PPM1A: variants seen among roughly 807,000 people sequenced by gnomAD.
PPM1A encodes the protein protein phosphatase, Mg2+/Mn2+ dependent 1A, also known as protein phosphatase 1A.
A neutral mutation model predicts 35.0 loss-of-function variants in PPM1A; 7 were observed. The observed-to-expected ratio is 0.20, with a 90% CI of 0.11 to 0.38. The LOEUF is 0.38. Ranked by LOEUF, PPM1A falls within the 10% of genes least tolerant of loss-of-function variation. PPM1A has a pLI of 1.00. For missense variants in PPM1A, 239 were observed against 467.8 expected, an observed-to-expected ratio of 0.51 and a Z score of 4.51; for synonymous variants, 153 against 167.3, an observed-to-expected ratio of 0.91 and a Z score of 0.66.
intron 3 of PPM1A, chr14:60,287,121 G>A (rs1383352376): frequency 2.1e-6 from 2 of 942,558 alleles, no homozygotes; most frequent in African/African-American, 3.6e-5. Flanking sequence ...GAAGTAATAA[G>A]TATTTTAATA....
chr14:60,268,505 TTTTATTTTTTTCACATA>T, intron 1 of PPM1A: 1 of 609,974 alleles, frequency 1.6e-6, no homozygotes, highest in Non-Finnish European at 2.1e-6. Flanking sequence ...GGCTTACCTA[TTTTATTTTTTTCACATA>T]TAACATGTAC....
intron 1 of PPM1A, among the ~76,000 whole-genome samples, chr14:60,280,308 T>C (rs1001248219): frequency 6.6e-6 from 1 of 151,962 alleles, no homozygotes; most frequent in Non-Finnish European, 1.5e-5. Context: ...CTGGCTGCCT[T>C]CTTATATGCT....
chr14:60,286,778 TTTG>T, intron 3 of PPM1A: 5 of 981,244 alleles, frequency 5.1e-6, no homozygotes, highest in Non-Finnish European at 6.0e-6. Flanking sequence ...GAGCTACTAT[TTTG>T]TTTTTATTGC....
At position 60,289,798 on chromosome 14, in the gene PPM1A, A is replaced by G; in HGVS notation, c.953-8A>G. 6.3e-7 allele frequency: 1 copy of G among 1,592,722 alleles called. No homozygotes were observed. Among genetic ancestry groups the G allele is most frequent in the Non-Finnish European group, 8.6e-7 (1 of 1,163,666 alleles). ...AACACTTACAAAAAAAGTACTTCTG[A>G]TTCCCAGAAATCATAAAGAAGCAGG... On this transcript the variant is annotated splice_polypyrimidine_tract_variant and splice_region_variant and intron_variant, in intron 3 of 5. Transcript: ENST00000395076. This position sits in a 1 kb window ranked among gnomAD's most constrained non-coding sequence, Gnocchi z 4.1.
At chr14:60,266,068 G>T (rs552531719) in intron 1 of PPM1A, among the ~76,000 whole-genome samples, 7 of 152,026 alleles carry the variant, frequency 4.6e-5, no homozygotes, top group African/African-American at 1.4e-4. Flanking sequence ...GCCAATATTG[G>T]GTGTAATAAT....
chr14:60,287,252 A>T (rs921119891), intron 3 of PPM1A: 5 of 963,928 alleles, frequency 5.2e-6, no homozygotes, highest in Non-Finnish European at 6.2e-6. Context: ...TGTTACAATA[A>T]TAAGTTTTAT....
intron 1 of PPM1A, among the ~76,000 whole-genome samples, chr14:60,259,265 C>A (rs1422188416): frequency 6.6e-6 from 1 of 151,970 alleles, no homozygotes; most frequent in African/African-American, 2.4e-5. Context: ...AGGGACATTT[C>A]ATATGTGTAA....
intron 1 of PPM1A, among the ~76,000 whole-genome samples, chr14:60,270,264 T>A (rs1884925181): frequency 6.6e-6 from 1 of 152,184 alleles, no homozygotes; most frequent in South Asian, 2.1e-4. Context: ...AATATCTTTT[T>A]TTAAAAGCTC....
Position 60,294,156 on chromosome 14 carries a change from A to C in PPM1A, c.*1674A>C, listed in dbSNP as rs1197285665. On this transcript the variant is annotated 3_prime_UTR_variant, in exon 6 of 6. Coordinates refer to ENST00000395076, the MANE Select transcript of PPM1A (RefSeq NM_021003.5). ...TATACATATTTGTATATATAGCCTT[A>C]AAATTAATGTAAAGTTAGGGGAGTA... is the stretch of plus-strand genomic sequence containing the variant. 1.3e-5 allele frequency: 2 copies of C among 151,938 alleles called. No homozygotes were observed. The highest frequency in any genetic ancestry group is 4.8e-5 in the African/African-American group (2 of 41,422). The allele number at this position is 151,938 out of a possible 1,614,324, so 9.4% of individuals were successfully genotyped here.
At chr14:60,264,966 A>AT (rs1416522099) in intron 1 of PPM1A, among the ~76,000 whole-genome samples, 3 of 151,840 alleles carry the variant, frequency 2.0e-5, no homozygotes, top group Non-Finnish European at 4.4e-5. Flanking sequence ...ACAGTTGTTG[A>AT]TTTTATTGGC....
chr14:60,292,437 G>T lies in PPM1A; in HGVS notation c.1120-16G>T. On this transcript the variant is annotated splice_polypyrimidine_tract_variant and intron_variant, in intron 5 of 5. Transcript: ENST00000395076. This position sits in a 1 kb window ranked among gnomAD's most constrained non-coding sequence, Gnocchi z 4.2. Reference sequence around the variant, plus strand: ...AAATTTTAACGTTGTTCCTTATTTTGCTTCCTTTTACAAAGGACTCTACAT... The same window carrying T: ...AAATTTTAACGTTGTTCCTTATTTTTCTTCCTTTTACAAAGGACTCTACAT... The T allele has an allele frequency of 6.3e-7, 1 of 1,585,878 alleles. No individual in the cohort carries two copies. Among genetic ancestry groups the T allele is most frequent in the Non-Finnish European group, 8.6e-7 (1 of 1,156,130 alleles).
At position 60,298,570 on chromosome 14, in the gene PPM1A, A is replaced by G. The variant is rs1888235730; in HGVS notation, c.*6088A>G. The G allele has an allele frequency of 6.6e-6, 1 of 151,750 alleles. No individual in the cohort carries two copies. The highest frequency in any genetic ancestry group is 6.6e-5 in the Admixed American group (1 of 15,210). 9.4% of individuals were successfully genotyped at this position (151,750 alleles called of 1,614,324 possible). ...TCTGGAACATAGAAACCATTATCTT[A>G]CCTGGTTATCCCTTGACTAAATAGC... On this transcript the variant is annotated 3_prime_UTR_variant, in exon 6 of 6. Coordinates refer to ENST00000395076, the MANE Select transcript of PPM1A (RefSeq NM_021003.5).
At chr14:60,274,556 C>T (rs913118406) in intron 1 of PPM1A, among the ~76,000 whole-genome samples, 1 of 151,204 alleles carries the variant, frequency 6.6e-6, no homozygotes, top group Non-Finnish European at 1.5e-5. Context: ...TTTAAGACTC[C>T]TTTGAAACAT....
In PPM1A at chr14:60,289,684, C is replaced by A; in HGVS notation, c.953-122C>A. 1.2e-5 allele frequency: 7 copies of A among 580,912 alleles called. No individual in the cohort carries two copies. Among genetic ancestry groups the A allele is most frequent in the South Asian group, 6.8e-5 (3 of 44,088 alleles). The allele number at this position is 580,912 out of a possible 1,614,324, so 36.0% of individuals were successfully genotyped here. A position where few individuals can be genotyped will look rare whatever the true frequency, so the allele number is the denominator to read the frequency against. ...GATTTTTTTTTTTTTTAAATGATAC[C>A]AGATTAGAAAAATCTCAGATGTGGT... On this transcript the variant is annotated intron_variant, in intron 3 of 5. Transcript: ENST00000395076. The surrounding 1 kb of genome is among the most constrained non-coding windows in gnomAD (Gnocchi z 4.1).
At chr14:60,269,307 T>C (rs1240995341) in intron 1 of PPM1A, among the ~76,000 whole-genome samples, 1 of 152,214 alleles carries the variant, frequency 6.6e-6, no homozygotes, top group African/African-American at 2.4e-5. Flanking sequence ...TTTAAATAGT[T>C]TATTTTTTCA....
At chr14:60,247,630 A>AAAAC, upstream of PPM1A, among the ~76,000 whole-genome samples, 1 of 66,702 alleles carries the variant, frequency 1.5e-5, no homozygotes, top group African/African-American at 1.1e-4. Flanking sequence ...TCTGTCTCAA[A>AAAAC]AAAAAAAAAA....
chr14:60,284,361 G>A (rs1290854809), intron 2 of PPM1A, among the ~76,000 whole-genome samples: 1 of 152,300 alleles, frequency 6.6e-6, no homozygotes, highest in South Asian at 2.1e-4. Context: ...TAAGACTGTT[G>A]CCGGGCGCGG....
upstream of PPM1A, chr14:60,246,121 G>C (rs1881771266): frequency 7.3e-7 from 1 of 1,375,734 alleles, no homozygotes; most frequent in African/African-American, 1.5e-5. Flanking sequence ...ACTGGCTTCA[G>C]TGGAAAAGGA....
chr14:60,256,158 T>G (rs981564824), intron 1 of PPM1A, among the ~76,000 whole-genome samples: 1 of 152,160 alleles, frequency 6.6e-6, no homozygotes, highest in Non-Finnish European at 1.5e-5. Context: ...TGGTGGCTTA[T>G]GCCTGTAATC....
Sources: gnomAD v4.1 joint callset for allele counts (sites outside exome capture counted in the v4.1 genomes callset) on GRCh38, gnomAD v4.1.1 for gene constraint, Gnocchi (gnomAD v3.1) non-coding constraint, MANE v1.5 for transcripts, NCBI Gene and HGNC (gene_info 2026-07-23, HGNC 2026-07-21) for gene names.